Variants in CYB561 observed in about 807,000 individuals in gnomAD.
The protein encoded by CYB561 is cytochrome b561.
A neutral mutation model predicts 25.3 loss-of-function variants in CYB561; 11 were observed. The ratio of observed to expected loss-of-function variants is 0.44; its 90% CI spans 0.27 to 0.72. The LOEUF (loss-of-function observed/expected upper bound fraction) is 0.72, where lower values mean the gene tolerates loss of function less well. Ranked by LOEUF, CYB561 falls within the 30% of genes least tolerant of loss-of-function variation. The probability of loss-of-function intolerance (pLI) is 0.18; values close to 1 mark genes in which losing one functional copy is unlikely to be tolerated. For synonymous variants in CYB561, 165 were observed against 158.8 expected, an observed-to-expected ratio of 1.04 and a Z score of -0.29; for missense variants, 295 against 334.9, an observed-to-expected ratio of 0.88 and a Z score of 0.93.
At chr17:63,437,664 A>G (rs2049322045) in intron 1 of CYB561, 104 bp from the exon 2 acceptor site, 1 of 763,826 alleles carries the variant, frequency 1.3e-6, no homozygotes, top group Non-Finnish European at 2.0e-6. Context: ...AGGCCCCCCG[A>G]GATGTACACA....
chr17:63,441,786 C>A (rs1390753818), intron 1 of CYB561, among the ~76,000 whole-genome samples: 1 of 152,238 alleles, frequency 6.6e-6, no homozygotes, highest in Non-Finnish European at 1.5e-5. Context: ...TTGGAGCTCA[C>A]TGAGGAAGCT....
In CYB561 at chr17:63,436,297, G is replaced by T; in HGVS notation, c.203-145C>A. ...CTAGCTGCAGGAACCGGAGGAGAAA[G>T]CCAGGTTCCCTGGGGACCCTGGGCA... On this transcript the variant is annotated intron_variant, in intron 2 of 5. Coordinates refer to ENST00000360793, the MANE Select transcript of CYB561 (RefSeq NM_001915.4). This position sits in a 1 kb window ranked among gnomAD's most constrained non-coding sequence, Gnocchi z 4.8. The T allele has an allele frequency of 9.0e-7, 1 of 1,107,964 alleles. No individual in the cohort carries two copies. Among genetic ancestry groups the T allele is most frequent in the Non-Finnish European group, 1.3e-6 (1 of 787,824 alleles). 68.6% of individuals were successfully genotyped at this position (1,107,964 alleles called of 1,614,324 possible).
intron 1 of CYB561, among the ~76,000 whole-genome samples, chr17:63,441,116 C>G (rs539025265): frequency 2.0e-5 from 3 of 152,360 alleles, no homozygotes; most frequent in South Asian, 2.1e-4. Context: ...GAGCCAGGCT[C>G]TCTTCTCGCA....
At position 63,442,596 on chromosome 17, in the gene CYB561, C is replaced by T. The variant is rs185119342; in HGVS notation, c.-14+3649G>A. ...GGCCTGGAAGCTGCCACTCCCCACC[C>T]CCAAGGGCTCCACTGCCCTGCAGAC... On this transcript the variant is annotated intron_variant, in intron 1 of 5. Transcript: ENST00000360793. Among the ~76,000 whole-genome samples the T allele has an allele frequency of 4.7e-3, 715 of 152,222 alleles. 2 individuals are homozygous for T. The highest frequency in any genetic ancestry group is 6.5e-3 in the Non-Finnish European group (444 of 68,002).
At position 63,437,539 on chromosome 17, in the gene CYB561, G is replaced by A. The variant is rs768220809; in HGVS notation, c.9C>T (p.Gly3=). ME[G]GAAAATPTAL... ...CTGTGGGGGTGGCTGCCGCGGCCCC[G>A]CCCTCCATGCTGAGGCAAACGCTGC... The change falls in exon 2 of 6, where the codon GGC becomes GGT. Residue 3 remains glycine, a synonymous_variant. Coordinates refer to ENST00000360793, the MANE Select transcript of CYB561 (RefSeq NM_001915.4). 2.3e-5 allele frequency: 37 copies of A among 1,609,060 alleles called. No individual in the cohort carries two copies. In the East Asian group the frequency reaches 3.6e-4, roughly 16 times the overall value.
chr17:63,438,184 T>C (rs1176932838), intron 1 of CYB561: 1 of 1,535,452 alleles, frequency 6.5e-7, no homozygotes, highest in Admixed American at 2.0e-5. Context: ...CCCCAAATTC[T>C]AGTGAGCTCA....
chr17:63,443,093 C>G (rs191737857), intron 1 of CYB561, among the ~76,000 whole-genome samples: 31 of 152,300 alleles, frequency 2.0e-4, no homozygotes, highest in African/African-American at 7.5e-4. Context: ...AAGGGGAAAA[C>G]AGCTCAATTG....
chr17:63,435,987 G>A, intron 3 of CYB561, 67 bp downstream of exon 3: 2 of 1,611,856 alleles, frequency 1.2e-6, no homozygotes, highest in South Asian at 1.1e-5. Flanking sequence ...CAGAGCAGGT[G>A]AAGCGGCTGT....
intron 3 of CYB561, 81 bp from the exon 4 acceptor site, chr17:63,435,872 C>A: frequency 1.3e-6 from 2 of 1,579,852 alleles, no homozygotes; most frequent in African/African-American, 1.3e-5. Context: ...AACCAGCTAG[C>A]GGGACTTCTG....
At chr17:63,444,947 G>A (rs767139760) in intron 1 of CYB561, among the ~76,000 whole-genome samples, 1 of 152,160 alleles carries the variant, frequency 6.6e-6, no homozygotes, top group Non-Finnish European at 1.5e-5. Flanking sequence ...ATGCCAAGGC[G>A]GGCAGATCAC....
intron 1 of CYB561, among the ~76,000 whole-genome samples, chr17:63,445,515 AAGG>A (rs1470613209): frequency 2.0e-5 from 3 of 151,336 alleles, no homozygotes; most frequent in Middle Eastern, 3.4e-3. Context: ...GACGACCAGA[AAGG>A]AGAAGTCTGG....
chr17:63,436,183 C>T lies in CYB561; in HGVS notation c.203-31G>A, dbSNP rs773174966. 1 of 1,606,226 alleles carries T rather than the reference C, an allele frequency of 6.2e-7. No homozygotes were observed. The highest frequency in any genetic ancestry group is 2.2e-5 in the East Asian group (1 of 44,670). On this transcript the variant is annotated intron_variant, in intron 2 of 5. Coordinates refer to ENST00000360793, the MANE Select transcript of CYB561 (RefSeq NM_001915.4). The surrounding 1 kb of genome is among the most constrained non-coding windows in gnomAD (Gnocchi z 4.8). ...GGAGGTGAGAGAGGGAACGTGAGTG[C>T]ATCCGCCTGTGCGTGAGGCCTCCTG... is the stretch of plus-strand genomic sequence containing the variant.
In CYB561 at chr17:63,433,775, A is replaced by G. The variant is rs2147486481; in HGVS notation, c.*627T>C. ...TTCTATCCCCTCTCCCACCAAAGCC[A>G]TCCTAGGGCTAAAGGGTTAAAGAAG... On this transcript the variant is annotated 3_prime_UTR_variant, in exon 6 of 6. Coordinates refer to ENST00000360793, the MANE Select transcript of CYB561 (RefSeq NM_001915.4). 1 of 201,840 alleles carries G rather than the reference A, an allele frequency of 5.0e-6. No individual in the cohort carries two copies. The highest frequency in any genetic ancestry group is 1.1e-4 in the East Asian group (1 of 8,896). 12.5% of individuals were successfully genotyped at this position (201,840 alleles called of 1,614,324 possible). A position where few individuals can be genotyped will look rare whatever the true frequency, so the allele number is the denominator to read the frequency against.
chr17:63,438,051 G>T (rs4968774), intron 1 of CYB561: 137,967 of 1,499,936 alleles, frequency 0.092, 7,049 homozygotes, highest in Admixed American at 0.16. Context: ...CCATCGTCCT[G>T]AGGCAGAGGT....
chr17:63,440,125 G>C, intron 1 of CYB561: 1 of 398,514 alleles, frequency 2.5e-6, no homozygotes, highest in Non-Finnish European at 4.4e-6. Flanking sequence ...ACCTACACGG[G>C]TATCAGTTCT....
Position 63,436,027 on chromosome 17 carries a change from C to A in CYB561, c.301+27G>T, listed in dbSNP as rs773537545. 3 of 1,613,460 alleles carry A rather than the reference C, an allele frequency of 1.9e-6. No individual in the cohort carries two copies. The highest frequency in any genetic ancestry group is 2.5e-6 in the Non-Finnish European group (3 of 1,179,848). ...CATACCTGAAGAGGCAGGCAGGTGGCGGGGAAGGCCGCGCCCGGGAACTCA... is the reference window on the plus strand; with the variant it reads ...CATACCTGAAGAGGCAGGCAGGTGGAGGGGAAGGCCGCGCCCGGGAACTCA... On this transcript the variant is annotated intron_variant, in intron 3 of 5. Transcript: ENST00000360793. The surrounding 1 kb of genome is among the most constrained non-coding windows in gnomAD (Gnocchi z 4.8).
Position 63,436,969 on chromosome 17 carries a change from C to G in CYB561, c.202+377G>C, listed in dbSNP as rs1045850845. The G allele has an allele frequency of 4.1e-6, 1 of 246,002 alleles. No homozygotes were observed. 15.2% of individuals were successfully genotyped at this position (246,002 alleles called of 1,614,324 possible). A position where few individuals can be genotyped will look rare whatever the true frequency, so the allele number is the denominator to read the frequency against. On this transcript the variant is annotated intron_variant, in intron 2 of 5. Coordinates refer to ENST00000360793, the MANE Select transcript of CYB561 (RefSeq NM_001915.4). The surrounding 1 kb of genome is among the most constrained non-coding windows in gnomAD (Gnocchi z 4.8). ...AAGTCCAAGACCAACAACACACATG[C>G]GCGCGCACGCACGCACGCATACAAA... is the stretch of plus-strand genomic sequence containing the variant.
chr17:63,444,972 T>C lies in CYB561; in HGVS notation c.-14+1273A>G, dbSNP rs186801193. ...GGGCAGATCACTTGAGGTTAGGAGT[T>C]CGAGACCAGCCTGGCCAACATGGTG... is the stretch of plus-strand genomic sequence containing the variant. On this transcript the variant is annotated intron_variant, in intron 1 of 5. Coordinates refer to ENST00000360793, the MANE Select transcript of CYB561 (RefSeq NM_001915.4). Among the ~76,000 whole-genome samples, 218 of 152,286 alleles carry C rather than the reference T, an allele frequency of 1.4e-3. 1 individual carries two copies. The highest frequency in any genetic ancestry group is 5.0e-3 in the African/African-American group (208 of 41,576).
chr17:63,437,865 A>G, intron 1 of CYB561: 1 of 244,748 alleles, frequency 4.1e-6, no homozygotes. Flanking sequence ...TGCACACAGC[A>G]CCCCCAGATG....
Sources: allele counts gnomAD v4.1 joint callset (sites outside exome capture counted in the v4.1 genomes callset), GRCh38; gene constraint gnomAD v4.1.1; non-coding constraint Gnocchi (gnomAD v3.1); transcripts MANE v1.5; gene names NCBI Gene and HGNC (gene_info 2026-07-23, HGNC 2026-07-21).